The following CFAP299 variants were observed in gnomAD, a reference collection of about 807,000 sequenced individuals.
The protein encoded by CFAP299 is cilia and flagella associated protein 299.
In CFAP299, 21 loss-of-function variants were observed where a neutral mutation model predicts 27.0. The observed-to-expected ratio is 0.78, with a 90% confidence interval of 0.55 to 1.12. CFAP299 has a LOEUF of 1.12. CFAP299 is among the 50% of genes most tolerant of loss of function. The pLI is 0.00. For missense variants in CFAP299, 310 were observed against 276.6 expected (o/e 1.12, Z -0.86); for synonymous variants, 104 against 98.1 (o/e 1.06, Z -0.36).
intron 5 of CFAP299, among the ~76,000 whole-genome samples, chr4:80,953,668 G>A (rs757786987): frequency 2.0e-5 from 3 of 152,058 alleles, no homozygotes; most frequent in Admixed American, 6.6e-5. Flanking sequence ...TTGTTCATAA[G>A]TGTCCAGTGC....
intron 2 of CFAP299, among the ~76,000 whole-genome samples, chr4:80,500,508 T>C (rs551129512): frequency 2.6e-4 from 39 of 152,264 alleles, no homozygotes; most frequent in African/African-American, 9.4e-4. Context: ...TACCAAACTA[T>C]CAAATTTTAA....
chr4:80,640,379 A>G (rs1173002730), intron 3 of CFAP299, among the ~76,000 whole-genome samples: 1 of 152,124 alleles, frequency 6.6e-6, no homozygotes, highest in African/African-American at 2.4e-5. Context: ...TGCCTGCCCA[A>G]CCAGGCTTAC....
At chr4:80,435,197 C>A (rs1728006721) in intron 2 of CFAP299, among the ~76,000 whole-genome samples, 1 of 152,130 alleles carries the variant, frequency 6.6e-6, no homozygotes, top group African/African-American at 2.4e-5. Flanking sequence ...AGGAGATAAG[C>A]TCAATGCCCT....
chr4:80,930,582 A>G (rs1736565992), intron 4 of CFAP299, among the ~76,000 whole-genome samples: 1 of 152,102 alleles, frequency 6.6e-6, no homozygotes, highest in Non-Finnish European at 1.5e-5. Flanking sequence ...CAGCTGCAAA[A>G]TTGCTTGCTT....
chr4:80,424,565 A>G (rs1325364028), intron 2 of CFAP299, among the ~76,000 whole-genome samples: 12 of 152,212 alleles, frequency 7.9e-5, no homozygotes, highest in Admixed American at 7.9e-4. Flanking sequence ...AAGAAGATCT[A>G]TATTGTTTCA....
chr4:80,909,087 C>A (rs1198852937), intron 4 of CFAP299, among the ~76,000 whole-genome samples: 2 of 152,112 alleles, frequency 1.3e-5, no homozygotes, highest in East Asian at 3.8e-4. Context: ...CAATTCTCCC[C>A]AAGTTTACAA....
At chr4:80,934,541 T>G (rs7666537) in intron 4 of CFAP299, among the ~76,000 whole-genome samples, 6,773 of 142,952 alleles carry the variant, frequency 0.047, 541 homozygotes, top group African/African-American at 0.16. Flanking sequence ...TTTTCTAAGC[T>G]TTTTTTTTTC....
chr4:80,793,541 T>A (rs1727690828), intron 3 of CFAP299, among the ~76,000 whole-genome samples: 1 of 152,070 alleles, frequency 6.6e-6, no homozygotes, highest in South Asian at 2.1e-4. Context: ...ATTTGCCCCA[T>A]ACACATTGCC....
At chr4:80,784,063 G>A (rs1578120920) in intron 3 of CFAP299, among the ~76,000 whole-genome samples, 1 of 152,166 alleles carries the variant, frequency 6.6e-6, no homozygotes, top group Admixed American at 6.6e-5. Flanking sequence ...GGGGCAAATG[G>A]CAGGATCTCT....
intron 3 of CFAP299, among the ~76,000 whole-genome samples, chr4:80,623,749 T>C (rs948233809): frequency 2.0e-5 from 3 of 152,108 alleles, no homozygotes; most frequent in African/African-American, 7.2e-5. Context: ...ACCAACACAG[T>C]GTAACCCAGC....
the CFAP299 span, among the ~76,000 whole-genome samples, chr4:80,330,397 G>A: frequency 2.0e-5 from 3 of 152,228 alleles, no homozygotes; most frequent in East Asian, 3.9e-4. Flanking sequence ...AGACCACAGC[G>A]TGGTCTACTT....
intron 2 of CFAP299, among the ~76,000 whole-genome samples, chr4:80,384,557 C>A (rs4693384): frequency 0.94 from 142,874 of 152,266 alleles, 67,591 homozygotes; most frequent in East Asian, 1. Flanking sequence ...GCTAGAAAGA[C>A]ATAGGCTTGC....
chr4:80,860,822 G>T (rs186929584), intron 3 of CFAP299, among the ~76,000 whole-genome samples: 2 of 152,264 alleles, frequency 1.3e-5, no homozygotes, highest in South Asian at 2.1e-4. Flanking sequence ...GCCCCTACTG[G>T]GGGGTGCCTC....
At chr4:80,485,094 C>T (rs1730741735) in intron 2 of CFAP299, among the ~76,000 whole-genome samples, 1 of 151,956 alleles carries the variant, frequency 6.6e-6, no homozygotes, top group Non-Finnish European at 1.5e-5. Context: ...TACGTGGAGA[C>T]AGCTAGGCAT....
At chr4:80,472,331 T>C (rs971754613) in intron 2 of CFAP299, among the ~76,000 whole-genome samples, 5 of 152,192 alleles carry the variant, frequency 3.3e-5, no homozygotes, top group Admixed American at 3.3e-4. Context: ...GTGAAAGAAC[T>C]CTATAACACA....
At chr4:80,558,977 A>G (rs1304046301) in intron 2 of CFAP299, among the ~76,000 whole-genome samples, 1 of 152,166 alleles carries the variant, frequency 6.6e-6, no homozygotes, top group Non-Finnish European at 1.5e-5. Context: ...TTATTGCTGC[A>G]ATAAAACCAC....
chr4:80,886,309 A>G (rs926261371), intron 4 of CFAP299, among the ~76,000 whole-genome samples: 8 of 152,216 alleles, frequency 5.3e-5, no homozygotes, highest in African/African-American at 1.9e-4. Context: ...GCTTCGGGCA[A>G]AGCCCAGTTT....
intron 4 of CFAP299, among the ~76,000 whole-genome samples, chr4:80,882,410 G>A (rs1331916011): frequency 1.3e-5 from 2 of 152,014 alleles, no homozygotes; most frequent in Admixed American, 6.5e-5. Context: ...AGGCCGAGGC[G>A]GGCGGATTAC....
chr4:80,718,385 A>T (rs1415236928), intron 3 of CFAP299, among the ~76,000 whole-genome samples: 2 of 152,052 alleles, frequency 1.3e-5, no homozygotes, highest in African/African-American at 4.8e-5. Context: ...AGGAGAAAGG[A>T]TCTCTTTGAT....
Sources: gnomAD v4.1 joint callset for allele counts (sites outside exome capture counted in the v4.1 genomes callset) on GRCh38, gnomAD v4.1.1 for gene constraint, MANE v1.5 for transcripts, NCBI Gene and HGNC (gene_info 2026-07-23, HGNC 2026-07-21) for gene names.